The following ZBTB16 variants were observed in gnomAD, a reference collection of about 807,000 sequenced individuals.
The protein encoded by ZBTB16 is zinc finger and BTB domain-containing protein 16.
In ZBTB16, 8 loss-of-function variants were observed where a neutral mutation model predicts 56.8. The observed-to-expected ratio is 0.14, with a 90% CI of 0.08 to 0.25. The LOEUF (loss-of-function observed/expected upper bound fraction) is 0.25, where lower values mean the gene tolerates loss of function less well. Among genes scored for constraint, ZBTB16 ranks in the 10% least tolerant of loss-of-function variants. The pLI is 1.00. For missense variants in ZBTB16, 625 were observed against 903.0 expected, an observed-to-expected ratio of 0.69 and a Z score of 3.95; for synonymous variants, 363 against 368.5, an observed-to-expected ratio of 0.98 and a Z score of 0.17.
intron 2 of ZBTB16, among the ~76,000 whole-genome samples, chr11:114,106,655 G>A (rs1270932821): frequency 6.6e-6 from 1 of 151,892 alleles, no homozygotes; most frequent in Non-Finnish European, 1.5e-5. Flanking sequence ...AATTTTTTTA[G>A]TAGAGTTGGG....
At chr11:114,205,143 C>T (rs1943830327) in intron 4 of ZBTB16, among the ~76,000 whole-genome samples, 1 of 152,126 alleles carries the variant, frequency 6.6e-6, no homozygotes, top group East Asian at 1.9e-4. Context: ...GGCGCGGTGG[C>T]TTATGCCTGT....
At chr11:114,186,140 G>T (rs945178147) in intron 3 of ZBTB16, among the ~76,000 whole-genome samples, 4 of 152,180 alleles carry the variant, frequency 2.6e-5, no homozygotes, top group Non-Finnish European at 5.9e-5. Context: ...CTCACCTACA[G>T]TTGGGGGCCC....
chr11:114,124,570 A>AAAAAAAAAACC (rs1565638154), intron 2 of ZBTB16, among the ~76,000 whole-genome samples: 1 of 146,582 alleles, frequency 6.8e-6, no homozygotes, highest in African/African-American at 2.5e-5. Context: ...AAAAAAAAAA[A>AAAAAAAAAACC]AACAAAAACA....
chr11:114,196,646 AC>A (rs1943618643), intron 4 of ZBTB16, among the ~76,000 whole-genome samples: 1 of 152,110 alleles, frequency 6.6e-6, no homozygotes, highest in African/African-American at 2.4e-5. Flanking sequence ...GTTTTTAAGT[AC>A]CTACTGTATG....
intron 6 of ZBTB16, among the ~76,000 whole-genome samples, chr11:114,249,081 C>G (rs1345239149): frequency 1.3e-5 from 2 of 152,114 alleles, no homozygotes; most frequent in African/African-American, 4.8e-5. Context: ...TGTGCACTCC[C>G]AGGTTCTTTA....
At chr11:114,192,788 CCG>C (rs1943528665) in intron 4 of ZBTB16, among the ~76,000 whole-genome samples, 3 of 152,298 alleles carry the variant, frequency 2.0e-5, no homozygotes, top group East Asian at 1.9e-4. Context: ...TATTGCTAGA[CCG>C]CATGTAACTG....
intron 3 of ZBTB16, among the ~76,000 whole-genome samples, chr11:114,178,147 A>T (rs184105351): frequency 1.1e-4 from 17 of 152,128 alleles, no homozygotes; most frequent in Admixed American, 3.3e-4. Context: ...TTGGCTGGAG[A>T]GGTAAGAATA....
chr11:114,124,570 A>AAAAAAAAAAAAAAAAAAAAAAC (rs1565638154), intron 2 of ZBTB16, among the ~76,000 whole-genome samples: 1 of 146,580 alleles, frequency 6.8e-6, no homozygotes, highest in Non-Finnish European at 1.5e-5. Flanking sequence ...AAAAAAAAAA[A>AAAAAAAAAAAAAAAAAAAAAAC]AACAAAAACA....
At chr11:114,183,261 G>C (rs564460691) in intron 3 of ZBTB16, among the ~76,000 whole-genome samples, 1 of 152,312 alleles carries the variant, frequency 6.6e-6, no homozygotes, top group African/African-American at 2.4e-5. Flanking sequence ...GCTCAGTGTC[G>C]TGACTTCAGC....
chr11:114,079,761 A>T (rs1049564349), intron 2 of ZBTB16, among the ~76,000 whole-genome samples: 2 of 152,178 alleles, frequency 1.3e-5, no homozygotes, highest in Non-Finnish European at 2.9e-5. Context: ...TGTGTGGGGA[A>T]GGCTTGTTGG....
At chr11:114,149,515 T>G (rs1266503317) in intron 2 of ZBTB16, among the ~76,000 whole-genome samples, 1 of 152,238 alleles carries the variant, frequency 6.6e-6, no homozygotes, top group Non-Finnish European at 1.5e-5. Context: ...AGTTCTTGGT[T>G]GTTTTTCTTA....
At chr11:114,087,985 G>A (rs1006697154) in intron 2 of ZBTB16, among the ~76,000 whole-genome samples, 4 of 151,966 alleles carry the variant, frequency 2.6e-5, no homozygotes, top group African/African-American at 7.3e-5. Context: ...TCTGGTCATC[G>A]CAACAGGGCC....
At chr11:114,175,549 G>A (rs1318859952) in intron 3 of ZBTB16, among the ~76,000 whole-genome samples, 1 of 151,610 alleles carries the variant, frequency 6.6e-6, no homozygotes, top group African/African-American at 2.4e-5. Flanking sequence ...CTCCTCTCCC[G>A]GGTTCAAATG....
At chr11:114,198,483 A>G (rs1591773122) in intron 4 of ZBTB16, among the ~76,000 whole-genome samples, 2 of 152,178 alleles carry the variant, frequency 1.3e-5, no homozygotes, top group South Asian at 4.2e-4. Context: ...GCTGGCCCAG[A>G]CCAGCTATTC....
chr11:114,120,182 G>A (rs577027931), intron 2 of ZBTB16, among the ~76,000 whole-genome samples: 2 of 152,292 alleles, frequency 1.3e-5, no homozygotes, highest in African/African-American at 4.8e-5. Flanking sequence ...GCGGTTGGCT[G>A]AGGCCAGAGA....
intron 3 of ZBTB16, among the ~76,000 whole-genome samples, chr11:114,164,998 T>G (rs1942703422): frequency 6.6e-6 from 1 of 152,208 alleles, no homozygotes; most frequent in Admixed American, 6.5e-5. Flanking sequence ...TCATCTGTCT[T>G]TGTCTCCATC....
At chr11:114,163,218 C>A (rs892777209) in intron 3 of ZBTB16, among the ~76,000 whole-genome samples, 2 of 148,736 alleles carry the variant, frequency 1.3e-5, no homozygotes, top group Admixed American at 6.7e-5. Context: ...CCACCCCCAC[C>A]CCTTCTCGCT....
At position 114,063,260 on chromosome 11, in the gene ZBTB16, A is replaced by G. The variant is rs766557466; in HGVS notation, c.-41A>G. On this transcript the variant is annotated 5_prime_UTR_variant, in exon 2 of 7. Coordinates refer to ENST00000335953, the MANE Select transcript of ZBTB16 (RefSeq NM_006006.6). This position sits in a 1 kb window ranked among gnomAD's most constrained non-coding sequence, Gnocchi z 6.5. ...CACCCAGCCCCGCCACGCAGAGCCC[A>G]GAAGGAAAGAAAGCCTCATGCCTGA... 3.7e-6 allele frequency: 6 copies of G among 1,609,604 alleles called. No homozygotes were observed. The African/African-American group carries it at 8.0e-5, about 22-fold the overall frequency.
At chr11:114,163,165 C>G (rs1006603459) in intron 3 of ZBTB16, among the ~76,000 whole-genome samples, 19 of 152,110 alleles carry the variant, frequency 1.2e-4, no homozygotes, top group African/African-American at 3.9e-4. Flanking sequence ...TTTCCTCTCC[C>G]CTTTTACTCT....
Sources: allele counts gnomAD v4.1 joint callset (sites outside exome capture counted in the v4.1 genomes callset), GRCh38; gene constraint gnomAD v4.1.1; non-coding constraint Gnocchi (gnomAD v3.1); transcripts MANE v1.5; gene names NCBI Gene and HGNC (gene_info 2026-07-23, HGNC 2026-07-21).